The following ZDHHC3 variants were observed in gnomAD, a reference collection of about 807,000 sequenced individuals.
The protein encoded by ZDHHC3 is palmitoyltransferase ZDHHC3.
Under a neutral mutation model 30.6 loss-of-function variants are expected in ZDHHC3, and 9 were observed. That is an observed-to-expected ratio of 0.29 (90% CI 0.18 to 0.51). The LOEUF is 0.51. Among genes scored for constraint, ZDHHC3 ranks in the 20% least tolerant of loss-of-function variants. The pLI is 0.97. For missense variants in ZDHHC3, 246 were observed against 384.2 expected (o/e 0.64, Z 3.01); for synonymous variants, 136 against 140.2 (o/e 0.97, Z 0.21).
chr3:44,958,597 C>T (rs578018842), intron 2 of ZDHHC3: 18 of 1,536,072 alleles, frequency 1.2e-5, no homozygotes, highest in Non-Finnish European at 1.6e-5. Flanking sequence ...CCAAGAGGCA[C>T]TTGCTGCGGC....
At chr3:44,975,877 A>T in intron 1 of ZDHHC3, 56 bp downstream of exon 1, 8 of 170,186 alleles carry the variant, frequency 4.7e-5, no homozygotes, top group Non-Finnish European at 8.7e-5. Context: ...CCGGCCCGTG[A>T]GGCTCGCCTC....
intron 1 of ZDHHC3, among the ~76,000 whole-genome samples, chr3:44,960,501 A>C (rs1417032589): frequency 1.3e-5 from 2 of 152,254 alleles, no homozygotes; most frequent in Non-Finnish European, 2.9e-5. Flanking sequence ...CAGCAATGAA[A>C]CAACCAAGAA....
At position 44,917,257 on chromosome 3, in the gene ZDHHC3, T is replaced by TAAA; in HGVS notation, c.*9431_*9432insTTT. On this transcript the variant is annotated 3_prime_UTR_variant, in exon 7 of 7. Transcript: ENST00000424952. Reference sequence around the variant, plus strand: ...GTCCTGCACATGTGTGTGTAGAGCTTAATGCAGGGTCCTCTTTGAACCATG... The same window carrying TAAA: ...GTCCTGCACATGTGTGTGTAGAGCTTAAAAATGCAGGGTCCTCTTTGAACCATG... The TAAA allele has an allele frequency of 2.6e-5, 4 of 153,270 alleles. No homozygotes were observed. Among genetic ancestry groups the TAAA allele is most frequent in the South Asian group, 2.0e-4 (1 of 4,908 alleles). The allele number at this position is 153,270 out of a possible 1,614,324, so 9.5% of individuals were successfully genotyped here.
chr3:44,955,465 ATATATATATATG>A (rs1272673665), intron 2 of ZDHHC3, among the ~76,000 whole-genome samples: 1 of 147,302 alleles, frequency 6.8e-6, no homozygotes, highest in East Asian at 2.0e-4. Context: ...TTTTATATAT[ATATATATATATG>A]TATATATATA....
At chr3:44,961,300 G>A (rs535184503) in intron 1 of ZDHHC3, among the ~76,000 whole-genome samples, 2 of 152,346 alleles carry the variant, frequency 1.3e-5, no homozygotes, top group Non-Finnish European at 2.9e-5. Flanking sequence ...GCTGAGGCAG[G>A]AGAATGGCGT....
intron 1 of ZDHHC3, among the ~76,000 whole-genome samples, chr3:44,965,023 G>T (rs1704818823): frequency 6.6e-6 from 1 of 152,118 alleles, no homozygotes; most frequent in Non-Finnish European, 1.5e-5. Flanking sequence ...AGGCCCAGAG[G>T]TGTTCTGGAG....
intron 3 of ZDHHC3, among the ~76,000 whole-genome samples, chr3:44,940,711 AT>A (rs1230850575): frequency 1.3e-5 from 2 of 151,518 alleles, no homozygotes; most frequent in Non-Finnish European, 2.9e-5. Context: ...ATTTCCTACC[AT>A]TTTTTCAGGC....
At chr3:44,929,566 C>A in intron 5 of ZDHHC3, 130 bp from the exon 6 acceptor site, 5 of 1,247,862 alleles carry the variant, frequency 4.0e-6, no homozygotes, top group Non-Finnish European at 5.6e-6. Flanking sequence ...CCATAGGTCT[C>A]TGGCCTCCAG....
At chr3:44,936,886 A>G (rs1226121708) in intron 3 of ZDHHC3, among the ~76,000 whole-genome samples, 1 of 147,282 alleles carries the variant, frequency 6.8e-6, no homozygotes, top group East Asian at 2.1e-4. Context: ...CCCCCCCCCA[A>G]AACCTGCTTG....
chr3:44,973,839 A>T (rs1226276961), intron 1 of ZDHHC3, among the ~76,000 whole-genome samples: 1 of 152,234 alleles, frequency 6.6e-6, no homozygotes, highest in Non-Finnish European at 1.5e-5. Context: ...ATTAGAGTAT[A>T]AGGTTTTAGA....
intron 2 of ZDHHC3, among the ~76,000 whole-genome samples, chr3:44,948,203 A>C (rs942807412): frequency 1.3e-5 from 2 of 152,210 alleles, no homozygotes; most frequent in African/African-American, 2.4e-5. Flanking sequence ...TGGGAGTTTC[A>C]GATAGAGCAC....
chr3:44,931,190 TACAGGG>T (rs1255976598), intron 5 of ZDHHC3, among the ~76,000 whole-genome samples: 1 of 152,150 alleles, frequency 6.6e-6, no homozygotes, highest in Non-Finnish European at 1.5e-5. Context: ...TTCCTTTCTG[TACAGGG>T]GAATACTTAA....
At chr3:44,954,128 C>T (rs1703714470) in intron 2 of ZDHHC3, among the ~76,000 whole-genome samples, 1 of 151,944 alleles carries the variant, frequency 6.6e-6, no homozygotes, top group Admixed American at 6.6e-5. Flanking sequence ...AAATGAAAAT[C>T]AGTGGCCGGT....
rs759899233 is a variant in ZDHHC3, at chr3:44,933,156, C to T, written c.572G>A (p.Gly191Glu). The stretch of plus-strand genomic sequence containing the variant: ...TTCAAAGCAATGCAGGAAGTGGAAT[C>T]CCACCATGATGAGGGCGTGCAAGGA... The part of the protein sequence containing the change: ...LISLHALIMV[G>E]FHFLHCFEED... Residue 191 changes from glycine (G) to glutamate (E), a missense_variant, in exon 5 of 7, where the codon GGA (glycine) becomes GAA (glutamate). By Grantham distance (98) the Gly-to-Glu change is moderately conservative (BLOSUM62 -2). Coordinates refer to ENST00000424952, the MANE Select transcript of ZDHHC3 (RefSeq NM_001135179.2). The T allele has an allele frequency of 2.5e-6, 4 of 1,614,180 alleles. No individual in the cohort carries two copies. In the Admixed American group the frequency reaches 6.7e-5, roughly 27 times the overall value.
At chr3:44,955,674 A>G (rs1056956641) in intron 2 of ZDHHC3, among the ~76,000 whole-genome samples, 1 of 152,070 alleles carries the variant, frequency 6.6e-6, no homozygotes, top group African/African-American at 2.4e-5. Context: ...CGACTGCAAT[A>G]TTAATAAGGA....
intron 1 of ZDHHC3, among the ~76,000 whole-genome samples, chr3:44,967,082 A>C (rs1441510750): frequency 6.6e-6 from 1 of 152,196 alleles, no homozygotes; most frequent in Non-Finnish European, 1.5e-5. Context: ...AGCCTTCAAC[A>C]AAAAACAAAT....
intron 2 of ZDHHC3, among the ~76,000 whole-genome samples, chr3:44,951,557 C>T (rs1036750942): frequency 6.6e-6 from 1 of 152,180 alleles, no homozygotes; most frequent in African/African-American, 2.4e-5. Context: ...CCTGGACTCA[C>T]GGGTACCCAC....
chr3:44,928,500 G>GATGGCTCTCAACCTC (rs1553683431), intron 6 of ZDHHC3, among the ~76,000 whole-genome samples: 2 of 152,164 alleles, frequency 1.3e-5, no homozygotes, highest in Non-Finnish European at 1.5e-5. Context: ...ATCGTACCGG[G>GATGGCTCTCAACCTC]ATGGCTCTCA....
Position 44,926,520 on chromosome 3 carries a change from G to A in ZDHHC3, c.*169C>T. On this transcript the variant is annotated 3_prime_UTR_variant, in exon 7 of 7. Transcript: ENST00000424952. ...AAGGATGGTTTTTAAAAAATAAAAT[G>A]TGGGGACTTTTTTTTTTCTCTGCAA... The A allele has an allele frequency of 2.4e-6, 3 of 1,275,744 alleles. No individual in the cohort carries two copies. Among genetic ancestry groups the A allele is most frequent in the Non-Finnish European group, 3.0e-6 (3 of 1,010,452 alleles). 79.0% of individuals were successfully genotyped at this position (1,275,744 alleles called of 1,614,324 possible).
Sources: gnomAD v4.1 joint callset for allele counts (sites outside exome capture counted in the v4.1 genomes callset) on GRCh38, gnomAD v4.1.1 for gene constraint, MANE v1.5 for transcripts, NCBI Gene and HGNC (gene_info 2026-07-23, HGNC 2026-07-21) for gene names.